PRAMEF15: variants seen among roughly 807,000 people sequenced by gnomAD.
PRAMEF15 encodes the protein PRAME family member 15.
Under a neutral mutation model 35.3 loss-of-function variants are expected in PRAMEF15, and 21 were observed. That is an observed-to-expected ratio of 0.59 (90% confidence interval 0.42 to 0.86). The LOEUF (loss-of-function observed/expected upper bound fraction) is 0.86, where lower values mean the gene tolerates loss of function less well. Among genes scored for constraint, PRAMEF15 ranks in the 40% least tolerant of loss-of-function variants. The pLI, the probability that PRAMEF15 is intolerant of heterozygous loss-of-function variation, is 0.00. For missense variants in PRAMEF15, 360 were observed against 574.1 expected (o/e 0.63, Z 3.81); for synonymous variants, 122 against 223.3 (o/e 0.55, Z 4.05).
chr1:13,319,352 T>A lies in PRAMEF15; in HGVS notation c.294-20T>A. 6.2e-7 allele frequency: 1 copy of A among 1,608,988 alleles called. No homozygotes were observed. On this transcript the variant is annotated intron_variant, in intron 2 of 3. Transcript: ENST00000376152. ...GAAATGAGTTCTTAAATTCTCAGTC[T>A]CACCTCTATTTTGCCACAGGAGGTG... is the stretch of plus-strand genomic sequence containing the variant.
At chr1:13,319,262 T>A in intron 2 of PRAMEF15, 110 bp from the exon 3 acceptor site, 1 of 1,561,246 alleles carries the variant, frequency 6.4e-7, no homozygotes, top group Non-Finnish European at 8.7e-7. Flanking sequence ...TGAAGAAAAG[T>A]CAGAGAGAGG....
chr1:13,317,060 G>T (rs1466230228), intron 1 of PRAMEF15, among the ~76,000 whole-genome samples: 134 of 151,248 alleles, frequency 8.9e-4, no homozygotes, highest in African/African-American at 2.4e-3. Context: ...AGATTAAGAA[G>T]TCTAGTCAAA....
At chr1:13,318,102 A>C (rs1334255796) in intron 1 of PRAMEF15, among the ~76,000 whole-genome samples, 6 of 151,360 alleles carry the variant, frequency 4.0e-5, no homozygotes, top group African/African-American at 1.4e-4. Context: ...CCCCAATGGT[A>C]GGAGGGGTTC....
intron 3 of PRAMEF15, among the ~76,000 whole-genome samples, chr1:13,320,833 C>T (rs1320715265): frequency 0.024 from 3,467 of 142,036 alleles, no homozygotes; most frequent in East Asian, 0.13. Context: ...TTGTGCCCCA[C>T]AGTTTTGTGA....
chr1:13,322,175 C>G lies in PRAMEF15; in HGVS notation c.1348C>G (p.Pro450Ala). 6.2e-7 allele frequency: 1 copy of G among 1,608,574 alleles called. No individual in the cohort carries two copies. The highest frequency in any genetic ancestry group is 8.5e-7 in the Non-Finnish European group (1 of 1,179,162). Residue 450 changes from proline (P) to alanine (A), a missense_variant, in exon 4 of 4, where the codon CCC becomes GCC. Around this residue, in one of 8 missense-constraint regions of PRAMEF15, gnomAD observed 147 missense variants for 123.5 expected, o/e 1.19. Transcript: ENST00000376152. ...LMNRVRDLRHPKRILFCTDYC... is the reference protein window; with the variant it reads ...LMNRVRDLRHAKRILFCTDYC... ...GAACAGAGTGAGGGACTTAAGGCAC[C>G]CCAAGAGGATCTTGTTCTGTACTGA...
intron 1 of PRAMEF15, among the ~76,000 whole-genome samples, chr1:13,318,169 AG>A (rs1640031159): frequency 6.6e-6 from 1 of 152,072 alleles, no homozygotes; most frequent in African/African-American, 2.4e-5. Flanking sequence ...ATAGAAAGGA[AG>A]GGCTAGTGGT....
At chr1:13,318,730 G>A (rs1267288615) in intron 2 of PRAMEF15, 30 bp downstream of exon 2, 1 of 1,612,236 alleles carries the variant, frequency 6.2e-7, no homozygotes, top group African/African-American at 1.3e-5. Flanking sequence ...CTGGTGGGGA[G>A]GGCCCAGGTG....
chr1:13,319,183 G>A (rs1407161670), intron 2 of PRAMEF15, among the ~76,000 whole-genome samples, 189 bp from the exon 3 acceptor site: 4 of 144,270 alleles, frequency 2.8e-5, no homozygotes, highest in Non-Finnish European at 6.0e-5. Context: ...GACACAGGGA[G>A]ACTTGGTCTC....
chr1:13,316,136 T>C (rs1639999513), intron 1 of PRAMEF15, among the ~76,000 whole-genome samples: 1 of 151,572 alleles, frequency 6.6e-6, no homozygotes, highest in Non-Finnish European at 1.5e-5. Context: ...CCTCAGAAGC[T>C]GGTGTCACAG....
chr1:13,321,044 G>A (rs1640077588), intron 3 of PRAMEF15, among the ~76,000 whole-genome samples: 1 of 151,980 alleles, frequency 6.6e-6, no homozygotes, highest in Non-Finnish European at 1.5e-5. Flanking sequence ...TGATGTTGCA[G>A]GATCCTGTCT....
At chr1:13,321,638 T>C in intron 3 of PRAMEF15, 65 bp from the exon 4 acceptor site, 2 of 1,556,582 alleles carry the variant, frequency 1.3e-6, no homozygotes, top group South Asian at 1.1e-5. Flanking sequence ...CTTGAAGCCA[T>C]TCCCCACCAC....
Position 13,319,927 on chromosome 1 carries a change from C to G in PRAMEF15, c.849C>G (p.Leu283=). ...QKLYMNSVSF[L]EGHLDQLLSC... ...TTTATATGAACTCTGTTTCTTTCCT[C>G]GAAGGCCACCTGGACCAGCTGCTCA... The change falls in exon 3 of 4, where the codon CTC becomes CTG. Residue 283 remains leucine, a synonymous_variant. Transcript: ENST00000376152. 1 of 1,608,946 alleles carries G rather than the reference C, an allele frequency of 6.2e-7. No homozygotes were observed.
chr1:13,322,077 C>T lies in PRAMEF15; in HGVS notation c.1250C>T (p.Ala417Val), dbSNP rs1640091616. ...AACTTATGTGTGGAGCTGTATCCTG[C>T]CCCCCGAGAGAGTTATGGTGCTGAT... is the stretch of plus-strand genomic sequence containing the variant. ...LKNLCVELYPAPRESYGADGT... is the reference protein window; with the variant it reads ...LKNLCVELYPVPRESYGADGT... Residue 417 changes from alanine (A) to valine (V), a missense_variant, in exon 4 of 4, where the codon GCC becomes GTC. Around this residue, in one of 8 missense-constraint regions of PRAMEF15, gnomAD observed 147 missense variants for 123.5 expected, o/e 1.19. Transcript: ENST00000376152. 2.0e-5 allele frequency: 32 copies of T among 1,608,658 alleles called. No homozygotes were observed. Among genetic ancestry groups the T allele is most frequent in the Admixed American group, 1.7e-5 (1 of 59,680 alleles).
At chr1:13,317,988 G>GA (rs1640028843) in intron 1 of PRAMEF15, among the ~76,000 whole-genome samples, 1 of 152,084 alleles carries the variant, frequency 6.6e-6, no homozygotes, top group Non-Finnish European at 1.5e-5. Flanking sequence ...GATGCCCCAT[G>GA]AATGTTCCCA....
At chr1:13,321,422 G>C (rs1282230535) in intron 3 of PRAMEF15, among the ~76,000 whole-genome samples, 2,920 of 144,540 alleles carry the variant, frequency 0.02, no homozygotes, top group East Asian at 0.13. Flanking sequence ...ACCATGTTCA[G>C]CAGGCTGGTC....
chr1:13,315,811 T>A (rs1639995464), intron 1 of PRAMEF15, among the ~76,000 whole-genome samples, 153 bp downstream of exon 1: 1 of 151,464 alleles, frequency 6.6e-6, no homozygotes, highest in African/African-American at 2.4e-5. Context: ...TTTTTTCCTC[T>A]AAATGCAGTT....
intron 2 of PRAMEF15, among the ~76,000 whole-genome samples, 172 bp downstream of exon 2, chr1:13,318,872 G>A (rs1483880219): frequency 0.012 from 1,708 of 142,006 alleles, no homozygotes; most frequent in Middle Eastern, 0.019. Context: ...CAAGGTCCAT[G>A]GAGGTAACAG....
At position 13,316,295 on chromosome 1, in the gene PRAMEF15, T is replaced by G. The variant is rs1251936275; in HGVS notation, c.-17+637T>G. 2.0e-5 allele frequency among the ~76,000 whole-genome samples: 3 copies of G among 151,582 alleles called. 1 individual carries two copies. The highest frequency in any genetic ancestry group is 4.4e-5 in the Non-Finnish European group (3 of 68,004). ...CTGGGATTACAGCTGTGAGTCACCA[T>G]GCATCTGTAGTCCCAGCTATTTGGG... On this transcript the variant is annotated intron_variant, in intron 1 of 3. Transcript: ENST00000376152.
intron 1 of PRAMEF15, among the ~76,000 whole-genome samples, chr1:13,318,113 A>G (rs1435891786): frequency 2.3e-4 from 34 of 150,214 alleles, no homozygotes; most frequent in South Asian, 4.3e-4. Flanking sequence ...GGAGGGGTTC[A>G]CTTTCAGGTT....
Sources: gnomAD v4.1 joint callset for allele counts (sites outside exome capture counted in the v4.1 genomes callset) on GRCh38, gnomAD v4.1.1 for gene constraint, gnomAD v4.1.1 regional missense constraint, MANE v1.5 for transcripts, NCBI Gene and HGNC (gene_info 2026-07-23, HGNC 2026-07-21) for gene names.